Variants in DCHS1 observed in about 807,000 individuals in gnomAD.
DCHS1 encodes dachsous cadherin-related 1.
DCHS1 carries 78 observed loss-of-function variants against 213.9 expected under a neutral mutation model. The observed-to-expected ratio is 0.36, with a 90% CI of 0.30 to 0.44. DCHS1 has a LOEUF of 0.44. Among genes scored for constraint, DCHS1 ranks in the 20% least tolerant of loss-of-function variants. DCHS1 has a pLI of 1.00. For synonymous variants in DCHS1, 1,828 were observed against 1,873.7 expected, an observed-to-expected ratio of 0.98 and a Z score of 0.63; for missense variants, 3,946 against 4,395.9, an observed-to-expected ratio of 0.90 and a Z score of 2.89.
chr11:6,641,481 C>T lies in DCHS1; in HGVS notation c.133G>A (p.Gly45Arg). Residue 45 changes from glycine (G) to arginine (R), a missense_variant, in exon 2 of 21, where the codon GGG becomes AGG. Around this residue, in one of 3 missense-constraint regions of DCHS1, gnomAD observed 3,384 missense variants for 3,780.1 expected, o/e 0.90. Coordinates refer to ENST00000299441, the MANE Select transcript of DCHS1 (RefSeq NM_003737.4). This position sits in a 1 kb window ranked among gnomAD's most constrained non-coding sequence, Gnocchi z 7.1. Reference sequence around the variant, plus strand: ...TCATCAATCTGCAAGTCCAGGCTCCCAGCCTGACCCCAGGCACCTGGCACC... The same window carrying T: ...TCATCAATCTGCAAGTCCAGGCTCCTAGCCTGACCCCAGGCACCTGGCACC... ...AGVPGAWGQA[G>R]SLDLQIDEEQ... 1.3e-6 allele frequency: 2 copies of T among 1,574,730 alleles called. No homozygotes were observed. Among genetic ancestry groups the T allele is most frequent in the African/African-American group, 2.7e-5 (2 of 73,968 alleles).
At chr11:6,633,366 G>A (rs1194704697) in intron 5 of DCHS1, 46 bp downstream of exon 5, 3 of 1,513,096 alleles carry the variant, frequency 2.0e-6, no homozygotes, top group Non-Finnish European at 2.7e-6. Flanking sequence ...GGGTTATACT[G>A]GGGTATTTGG....
In DCHS1 at chr11:6,625,452, C is replaced by T. The variant is rs780229915; in HGVS notation, c.6892G>A (p.Val2298Ile). Residue 2298 changes from valine (V) to isoleucine (I), a missense_variant, in exon 19 of 21, where the codon GTA (valine) becomes ATA (isoleucine). By Grantham distance (29) the Val-to-Ile change is conservative (BLOSUM62 3). Transcript: ENST00000299441. This position sits in a 1 kb window ranked among gnomAD's most constrained non-coding sequence, Gnocchi z 5.3. ...DALLGSEIAQ[V>I]TGNDVDSGPV... is the part of the protein sequence containing the mutation. ...CCTGAGTCCACATCATTCCCTGTTA[C>T]CTGTGCAATCTCTGAGCCCAATAAC... The T allele has an allele frequency of 1.3e-5, 21 of 1,602,024 alleles. No individual in the cohort carries two copies. Among genetic ancestry groups the T allele is most frequent in the Non-Finnish European group, 1.7e-5 (20 of 1,173,464 alleles).
At position 6,628,247 on chromosome 11, in the gene DCHS1, A is replaced by G. The variant is rs141678502; in HGVS notation, c.5371+374T>C. ...TACTTCATTGGCTTGTTTCACAATC[A>G]TATTTTAACATCATCTCAGTTTTAT... On this transcript the variant is annotated intron_variant, in intron 13 of 20. Coordinates refer to ENST00000299441, the MANE Select transcript of DCHS1 (RefSeq NM_003737.4). This position sits in a 1 kb window ranked among gnomAD's most constrained non-coding sequence, Gnocchi z 4.3. Among the ~76,000 whole-genome samples the G allele has an allele frequency of 2.8e-4, 43 of 152,372 alleles. No homozygotes were observed. The East Asian group carries it at 7.9e-3, about 28-fold the overall frequency.
At position 6,623,053 on chromosome 11, in the gene DCHS1, G is replaced by A. The variant is rs201118374; in HGVS notation, c.8623C>T (p.Arg2875Trp). 53 of 1,579,364 alleles carry A rather than the reference G, an allele frequency of 3.4e-5. No homozygotes were observed. The East Asian group carries it at 6.8e-4, about 20-fold the overall frequency. ...TGALYLRVDS[R>W]APGSGTATSG... is the part of the protein sequence containing the mutation. The stretch of plus-strand genomic sequence containing the variant: ...GTGGCTGTTCCGCTGCCTGGTGCCC[G>A]ACTGTCCACCCGCAGGTACAGGGCT... The change falls in exon 21 of 21, where the codon CGG becomes TGG. Residue 2875 changes from arginine (R) to tryptophan (W), a missense_variant. Coordinates refer to ENST00000299441, the MANE Select transcript of DCHS1 (RefSeq NM_003737.4).
rs778334140 is a variant in DCHS1 at position 6,624,772 on chromosome 11, G to C, written c.7243C>G (p.Leu2415Val). ...SGANGHISYHLASPADGFSVD... is the reference protein window; with the variant it reads ...SGANGHISYHVASPADGFSVD... ...CTGAAGCCATCGGCAGGGGAAGCCA[G>C]GTGGTAGGAAATGTGACCGTTGGCA... The change falls in exon 20 of 21, where the codon CTG (leucine) becomes GTG (valine). Residue 2415 changes from leucine (L) to valine (V), a missense_variant. Transcript: ENST00000299441. 6.2e-7 allele frequency: 1 copy of C among 1,613,926 alleles called. No individual in the cohort carries two copies. Among genetic ancestry groups the C allele is most frequent in the South Asian group, 1.1e-5 (1 of 91,066 alleles).
In DCHS1 at chr11:6,629,864, G is replaced by A. The variant is rs1481644850; in HGVS notation, c.4843C>T (p.His1615Tyr). ...RPLDREQRAE[H>Y]VLTVVASDHG... ...TCTGAGGCCACCACTGTCAGTACGT[G>A]CTCAGCTCGTTGTTCGCGGTCCAAC... The change falls in exon 11 of 21, where the codon CAC becomes TAC. Residue 1615 changes from histidine to tyrosine, a missense_variant. This residue lies in a region of DCHS1 where 3,384 missense variants were observed against 3,780.1 expected (regional missense o/e 0.90). Coordinates refer to ENST00000299441, the MANE Select transcript of DCHS1 (RefSeq NM_003737.4). 1.2e-6 allele frequency: 2 copies of A among 1,612,964 alleles called. No individual in the cohort carries two copies. Among genetic ancestry groups the A allele is most frequent in the Non-Finnish European group, 8.5e-7 (1 of 1,179,778 alleles).
intron 1 of DCHS1, among the ~76,000 whole-genome samples, chr11:6,649,968 T>C (rs560472023): frequency 6.6e-6 from 1 of 152,312 alleles, no homozygotes; most frequent in African/African-American, 2.4e-5. Flanking sequence ...TTAATAATTT[T>C]CCTTCTGAAT....
In DCHS1 at chr11:6,630,342, C is replaced by T. The variant is rs1367977026; in HGVS notation, c.4452G>A (p.Pro1484=). ...YRLLRQEPPV[P]ALRLDARTGA... Reference sequence around the variant, plus strand: ...CGGTGCGCGCGTCCAGGCGAAGCGCCGGCACGGGCGGCTCCTGGCGCAGCA... The same window carrying T: ...CGGTGCGCGCGTCCAGGCGAAGCGCTGGCACGGGCGGCTCCTGGCGCAGCA... Residue 1484 remains proline (P), a synonymous_variant, in exon 10 of 21, where the codon CCG becomes CCA. Transcript: ENST00000299441. 6.9e-6 allele frequency: 9 copies of T among 1,308,300 alleles called. No individual in the cohort carries two copies. The highest frequency in any genetic ancestry group is 8.7e-6 in the Non-Finnish European group (9 of 1,030,412). The allele number at this position is 1,308,300 out of a possible 1,614,324, so 81.0% of individuals were successfully genotyped here.
Position 6,623,308 on chromosome 11 carries a change from C to T in DCHS1, c.8368G>A (p.Ala2790Thr). Residue 2790 changes from alanine to threonine, a missense_variant, in exon 21 of 21, where the codon GCT (alanine) becomes ACT (threonine). Around this residue, in one of 3 missense-constraint regions of DCHS1, gnomAD observed 3,384 missense variants for 3,780.1 expected, o/e 0.90. Coordinates refer to ENST00000299441, the MANE Select transcript of DCHS1 (RefSeq NM_003737.4). ...GTGACAGAGGCTGAGAGATTCCCAG[C>T]ATCAGCAGCACCCACCAGCAGCCGG... The part of the protein sequence containing the change: ...SFRLLVGAAD[A>T]GNLSASVTVS... 2.5e-6 allele frequency: 4 copies of T among 1,590,628 alleles called. No homozygotes were observed. Among genetic ancestry groups the T allele is most frequent in the Admixed American group, 1.8e-5 (1 of 56,828 alleles).
In DCHS1 at chr11:6,624,257, C is replaced by G. The variant is rs758701100; in HGVS notation, c.7419G>C (p.Gln2473His). The change falls in exon 21 of 21, where the codon CAG becomes CAC. Residue 2473 changes from glutamine to histidine, a missense_variant. This residue lies in a region of DCHS1 where 3,384 missense variants were observed against 3,780.1 expected (regional missense o/e 0.90). Coordinates refer to ENST00000299441, the MANE Select transcript of DCHS1 (RefSeq NM_003737.4). ...AARATVHVQLQDQNDHAPSFT... is the reference protein window; with the variant it reads ...AARATVHVQLHDQNDHAPSFT... ...AGCTCGGGGCGTGGTCGTTCTGGTC[C>G]TGCAGCTGCACGTGCACTGTGGCTC... 2.5e-6 allele frequency: 4 copies of G among 1,611,858 alleles called. No individual in the cohort carries two copies. The highest frequency in any genetic ancestry group is 3.4e-6 in the Non-Finnish European group (4 of 1,179,218).
rs752430387 is a variant in DCHS1, at chr11:6,626,410, C to A, written c.6365-30G>T. 1 of 1,608,664 alleles carries A rather than the reference C, an allele frequency of 6.2e-7. No individual in the cohort carries two copies. Among genetic ancestry groups the A allele is most frequent in the African/African-American group, 1.3e-5 (1 of 74,828 alleles). On this transcript the variant is annotated intron_variant, in intron 15 of 20. Transcript: ENST00000299441. This position sits in a 1 kb window ranked among gnomAD's most constrained non-coding sequence, Gnocchi z 5.2. ...GCGAGATAGAATGCATCAGTGATAG[C>A]CCCCTTTGCTTGCCCTGGAGCCTCC...
At position 6,625,327 on chromosome 11, in the gene DCHS1, A is replaced by C. The variant is rs1385280767; in HGVS notation, c.7017T>G (p.Phe2339Leu). ...GRVSLTGPLD[F>L]EQCDRYQLQL... ...GCAGCTGGTAGCGGTCACACTGCTC[A>C]AAGTCCAGGGGCCCCGTGAGGGAGA... is the stretch of plus-strand genomic sequence containing the variant. Residue 2339 changes from phenylalanine to leucine, a missense_variant, in exon 19 of 21, where the codon TTT becomes TTG. Phe to Leu is a conservative substitution (Grantham distance 22). This residue lies in a region of DCHS1 where 3,384 missense variants were observed against 3,780.1 expected (regional missense o/e 0.90). Coordinates refer to ENST00000299441, the MANE Select transcript of DCHS1 (RefSeq NM_003737.4). This position sits in a 1 kb window ranked among gnomAD's most constrained non-coding sequence, Gnocchi z 5.3. The C allele has an allele frequency of 1.9e-6, 3 of 1,613,754 alleles. No homozygotes were observed. Among genetic ancestry groups the C allele is most frequent in the Non-Finnish European group, 2.5e-6 (3 of 1,179,878 alleles).
rs556982880 is a variant in DCHS1, at chr11:6,632,336, G to A, written c.3176C>T (p.Ala1059Val). ...CAATTCCTGGGCCTCACGGTCTAGT[G>A]CTGCCCGCACCCATAGCCACCCACT... ...PQSGWLWVRAALDREAQELYI... is the reference protein window; with the variant it reads ...PQSGWLWVRAVLDREAQELYI... Residue 1059 changes from alanine to valine, a missense_variant, in exon 6 of 21, where the codon GCA becomes GTA. Coordinates refer to ENST00000299441, the MANE Select transcript of DCHS1 (RefSeq NM_003737.4). This position sits in a 1 kb window ranked among gnomAD's most constrained non-coding sequence, Gnocchi z 5.9. The A allele has an allele frequency of 6.2e-7, 1 of 1,613,834 alleles. No homozygotes were observed.
Position 6,629,691 on chromosome 11 carries a change from T to C in DCHS1, c.5016A>G (p.Arg1672=), listed in dbSNP as rs1387800423. ...TCTTACCCACGTCGGGGTCGGTTGCTCGCAGGGTGAGCAGAGATGTGCCAG... is the reference window on the plus strand; with the variant it reads ...TCTTACCCACGTCGGGGTCGGTTGCCCGCAGGGTGAGCAGAGATGTGCCAG... ...NPPGTSLLTL[R]ATDPDVGANG... is the part of the protein sequence containing the mutation. Residue 1672 remains arginine (R), a synonymous_variant, in exon 11 of 21, where the codon CGA becomes CGG. Coordinates refer to ENST00000299441, the MANE Select transcript of DCHS1 (RefSeq NM_003737.4). The C allele has an allele frequency of 5.6e-6, 9 of 1,613,714 alleles. No individual in the cohort carries two copies. The highest frequency in any genetic ancestry group is 1.1e-5 in the South Asian group (1 of 91,048).
Position 6,626,335 on chromosome 11 carries a change from C to T in DCHS1, c.6410G>A (p.Ser2137Asn). The T allele has an allele frequency of 6.2e-7, 1 of 1,613,638 alleles. No individual in the cohort carries two copies. The highest frequency in any genetic ancestry group is 1.1e-5 in the South Asian group (1 of 90,976). ...RSAEGLDFEVSPRLRLVLQAE... is the reference protein window; with the variant it reads ...RSAEGLDFEVNPRLRLVLQAE... ...CTGCAGCACCAGTCGCAGCCGTGGA[C>T]TCACCTCGAAGTCTAGCCCCTCTGC... Residue 2137 changes from serine to asparagine, a missense_variant, in exon 16 of 21, where the codon AGT becomes AAT. Physicochemically the swap from Ser to Asn is conservative, Grantham distance 46. Coordinates refer to ENST00000299441, the MANE Select transcript of DCHS1 (RefSeq NM_003737.4). This position sits in a 1 kb window ranked among gnomAD's most constrained non-coding sequence, Gnocchi z 5.2.
At position 6,627,801 on chromosome 11, in the gene DCHS1, A is replaced by T; in HGVS notation, c.5372-134T>A. 2 of 1,039,416 alleles carry T rather than the reference A, an allele frequency of 1.9e-6. No individual in the cohort carries two copies. Among genetic ancestry groups the T allele is most frequent in the South Asian group, 3.5e-5 (2 of 56,792 alleles). 64.4% of individuals were successfully genotyped at this position (1,039,416 alleles called of 1,614,324 possible). On this transcript the variant is annotated intron_variant, in intron 13 of 20. Transcript: ENST00000299441. The surrounding 1 kb of genome is among the most constrained non-coding windows in gnomAD (Gnocchi z 5.4). ...GAGAGAAAGGAAGAAAAACAGAAAC[A>T]GAAAGTAAAAGAAGATACTATAAAG...
chr11:6,625,588 C>T lies in DCHS1; in HGVS notation c.6862+9G>A, dbSNP rs781293250. 1.9e-6 allele frequency: 3 copies of T among 1,613,620 alleles called. No homozygotes were observed. Among genetic ancestry groups the T allele is most frequent in the Non-Finnish European group, 2.5e-6 (3 of 1,179,834 alleles). On this transcript the variant is annotated intron_variant, in intron 18 of 20. Coordinates refer to ENST00000299441, the MANE Select transcript of DCHS1 (RefSeq NM_003737.4). This position sits in a 1 kb window ranked among gnomAD's most constrained non-coding sequence, Gnocchi z 5.3. The stretch of plus-strand genomic sequence containing the variant: ...CACCCTTTATGCCACCCACTTTACC[C>T]AGCCTCACCTTCTGACACTCGGAGC...
chr11:6,655,474 C>T (rs1277697976), intron 1 of DCHS1, 89 bp downstream of exon 1: 5 of 880,790 alleles, frequency 5.7e-6, no homozygotes, highest in African/African-American at 1.8e-5. Flanking sequence ...GAACAAAGCC[C>T]CCGGCTCCGC....
intron 1 of DCHS1, among the ~76,000 whole-genome samples, chr11:6,643,631 G>A (rs1471297931): frequency 6.6e-6 from 1 of 152,058 alleles, no homozygotes; most frequent in Non-Finnish European, 1.5e-5. Context: ...GTTCAGTCCT[G>A]GGCAGTGTCT....
Sources: gnomAD v4.1 joint callset for allele counts (sites outside exome capture counted in the v4.1 genomes callset) on GRCh38, gnomAD v4.1.1 for gene constraint, gnomAD v4.1.1 regional missense constraint, Gnocchi (gnomAD v3.1) non-coding constraint, MANE v1.5 for transcripts, NCBI Gene and HGNC (gene_info 2026-07-23, HGNC 2026-07-21) for gene names.